Variants in SLC12A7 observed in about 807,000 individuals in gnomAD.
SLC12A7 encodes the protein solute carrier family 12 member 7.
In SLC12A7, 100 loss-of-function variants were observed where a neutral mutation model predicts 120.6. The ratio of observed to expected loss-of-function variants is 0.83; its 90% CI spans 0.71 to 0.98. The LOEUF (loss-of-function observed/expected upper bound fraction) is 0.98, where lower values mean the gene tolerates loss of function less well. Among genes scored for constraint, SLC12A7 ranks in the 50% least tolerant of loss-of-function variants. SLC12A7 has a pLI of 0.00. For missense variants in SLC12A7, 1,373 were observed against 1,548.1 expected, an observed-to-expected ratio of 0.89 and a Z score of 1.90; for synonymous variants, 760 against 678.0, an observed-to-expected ratio of 1.12 and a Z score of -1.88.
chr5:1,106,552 C>G (rs10044441), intron 1 of SLC12A7, among the ~76,000 whole-genome samples: 1 of 151,878 alleles, frequency 6.6e-6, no homozygotes, highest in Non-Finnish European at 1.5e-5. Flanking sequence ...GCCATCCATC[C>G]CTGGGGTGTC....
In SLC12A7 at chr5:1,098,780, A is replaced by AACCCTCTGCATG. The variant is rs1561102384; in HGVS notation, c.125-4533_125-4532insCATGCAGAGGGT. ...CCAGCCCCCCTCTAACCCTCTGCTC[A>AACCCTCTGCATG]CCCAGCCACCCTCTAACCCTCTGCT... On this transcript the variant is annotated intron_variant, in intron 1 of 23. Transcript: ENST00000264930. Among the ~76,000 whole-genome samples, 11 of 48,924 alleles carry AACCCTCTGCATG rather than the reference A, an allele frequency of 2.2e-4. 1 individual carries two copies. Among genetic ancestry groups the AACCCTCTGCATG allele is most frequent in the African/African-American group, 5.2e-4 (5 of 9,648 alleles). The allele number at this position is 48,924 out of a possible 152,430, so 32.1% of individuals were successfully genotyped here.
chr5:1,110,490 C>T (rs574963565), intron 1 of SLC12A7, among the ~76,000 whole-genome samples: 1 of 152,376 alleles, frequency 6.6e-6, no homozygotes, highest in East Asian at 1.9e-4. Flanking sequence ...GCACAAAATT[C>T]TCTCTGGCTT....
chr5:1,151,163 C>G, the SLC12A7 span, among the ~76,000 whole-genome samples: 9 of 152,266 alleles, frequency 5.9e-5, no homozygotes, highest in East Asian at 1.7e-3. This position sits in a 1 kb window ranked among gnomAD's most constrained non-coding sequence, Gnocchi z 6.2. Flanking sequence ...TCACAAAGCT[C>G]AGGCTTGCAA....
intron 7 of SLC12A7, among the ~76,000 whole-genome samples, chr5:1,084,953 C>T (rs1308364364): frequency 1.3e-5 from 2 of 152,206 alleles, no homozygotes; most frequent in Non-Finnish European, 2.9e-5. Flanking sequence ...CTCAGGGCCA[C>T]CGGCCACCCC....
Position 1,083,762 on chromosome 5 carries a change from G to T in SLC12A7, c.1112C>A (p.Ala371Asp). The T allele has an allele frequency of 6.2e-7, 1 of 1,612,506 alleles. No homozygotes were observed. The highest frequency in any genetic ancestry group is 8.5e-7 in the Non-Finnish European group (1 of 1,179,886). ...AGCCTCACCCAGGAAGACACCACTG[G>T]CCGCGCCCGGGATGCCCTGGATTTC... The part of the protein sequence containing the change: ...VTEIQGIPGA[A>D]SGVFLENLWS... The change falls in exon 8 of 24, where the codon GCC (alanine) becomes GAC (aspartate). Residue 371 changes from alanine (A) to aspartate (D), a missense_variant. Transcript: ENST00000264930.
chr5:1,053,971 G>A (rs142360574), intron 22 of SLC12A7, among the ~76,000 whole-genome samples: 1,984 of 152,336 alleles, frequency 0.013, 41 homozygotes, highest in African/African-American at 0.045. Context: ...CTCTCCGAGG[G>A]TCCTGATACA....
Position 1,089,003 on chromosome 5 carries a change from G to C in SLC12A7, c.468C>G (p.Ile156Met). ...TCACACATGTGCAGCACATGGCCACGATGAGGAAGGACTCCAGGACACCAG... is the reference window on the plus strand; with the variant it reads ...TCACACATGTGCAGCACATGGCCACCATGAGGAAGGACTCCAGGACACCAG... Reference protein sequence around the residue: ...GVAGVLESFLIVAMCCTCTML... With the variant: ...GVAGVLESFLMVAMCCTCTML... The change falls in exon 4 of 24, where the codon ATC (isoleucine) becomes ATG (methionine). Residue 156 changes from isoleucine (I) to methionine (M), a missense_variant. Physicochemically the swap from Ile to Met is conservative, Grantham distance 10. Coordinates refer to ENST00000264930, the MANE Select transcript of SLC12A7 (RefSeq NM_006598.3). 1 of 1,612,944 alleles carries C rather than the reference G, an allele frequency of 6.2e-7. No homozygotes were observed.
At chr5:1,105,529 C>T (rs1742454776) in intron 1 of SLC12A7, among the ~76,000 whole-genome samples, 1 of 152,272 alleles carries the variant, frequency 6.6e-6, no homozygotes, top group East Asian at 1.9e-4. Flanking sequence ...CGGCCACAAA[C>T]AGGGGAAGAG....
At position 1,081,662 on chromosome 5, in the gene SLC12A7, G is replaced by A. The variant is rs997164725; in HGVS notation, c.1212C>T (p.Ser404=). The A allele has an allele frequency of 2.5e-6, 4 of 1,613,026 alleles. No homozygotes were observed. The highest frequency in any genetic ancestry group is 1.3e-5 in the African/African-American group (1 of 74,956). ...GVPSVPVAEE[S]RASALPYVLT... ...GCACGTAGGGCAGTGCGCTGGCACG[G>A]CTCTCCTCTGCCACGGGCACCGAGG... The change falls in exon 9 of 24, where the codon AGC becomes AGT. Residue 404 remains serine (S), a synonymous_variant. Transcript: ENST00000264930.
the SLC12A7 span, among the ~76,000 whole-genome samples, chr5:1,152,166 C>A: frequency 6.6e-6 from 1 of 152,158 alleles, no homozygotes; most frequent in African/African-American, 2.4e-5. Flanking sequence ...CATCACCTCC[C>A]AGCTGGACCC....
intron 16 of SLC12A7, 55 bp from the exon 17 acceptor site, chr5:1,073,856 C>A: frequency 1.5e-6 from 2 of 1,335,600 alleles, no homozygotes; most frequent in South Asian, 2.5e-5. Flanking sequence ...GGGCACGGCC[C>A]ATCAACAGGC....
intron 12 of SLC12A7, 96 bp from the exon 13 acceptor site, chr5:1,076,908 GAC>G (rs1738412888): frequency 2.4e-6 from 2 of 847,702 alleles, no homozygotes; most frequent in Non-Finnish European, 2.0e-6. Flanking sequence ...GAATCTTAAA[GAC>G]ACAGACCAGC....
At chr5:1,129,343 A>T in the SLC12A7 span, among the ~76,000 whole-genome samples, 2 of 152,192 alleles carry the variant, frequency 1.3e-5, no homozygotes, top group East Asian at 3.9e-4. Context: ...TCCGAAGTCC[A>T]GTCTCACAGA....
At chr5:1,122,051 A>G in the SLC12A7 span, among the ~76,000 whole-genome samples, 1 of 152,128 alleles carries the variant, frequency 6.6e-6, no homozygotes, top group Non-Finnish European at 1.5e-5. Context: ...CCTGTCTCCC[A>G]GCCTCTCTGC....
chr5:1,065,163 G>A, intron 18 of SLC12A7, 120 bp downstream of exon 18: 9 of 790,232 alleles, frequency 1.1e-5, no homozygotes, highest in South Asian at 7.4e-5. Flanking sequence ...GGGACGAAAA[G>A]GGGACAGTGA....
At chr5:1,141,292 C>T in the SLC12A7 span, among the ~76,000 whole-genome samples, 41 of 152,228 alleles carry the variant, frequency 2.7e-4, no homozygotes, top group African/African-American at 9.6e-4. Flanking sequence ...TGTGAGCTGT[C>T]ACTTGATGAC....
At chr5:1,082,026 GT>G (rs1739187145) in intron 8 of SLC12A7, among the ~76,000 whole-genome samples, 1 of 108,020 alleles carries the variant, frequency 9.3e-6, no homozygotes, top group South Asian at 2.6e-4. Context: ...GTTCTGGAAA[GT>G]CCAGGCTTCC....
At chr5:1,073,231 C>G (rs866594069) in intron 17 of SLC12A7, among the ~76,000 whole-genome samples, 7 of 53,912 alleles carry the variant, frequency 1.3e-4, no homozygotes, top group African/African-American at 5.8e-4. Flanking sequence ...CCAGTGAGCC[C>G]CCAGCACACG....
rs1442271511 is a variant in SLC12A7 at position 1,057,779 on chromosome 5, C to T, written c.2848-130G>A. 28 of 844,500 alleles carry T rather than the reference C, an allele frequency of 3.3e-5. No individual in the cohort carries two copies. In the East Asian group the frequency reaches 6.7e-4, roughly 20 times the overall value. The allele number at this position is 844,500 out of a possible 1,614,324, so 52.3% of individuals were successfully genotyped here. A position where few individuals can be genotyped will look rare whatever the true frequency, so the allele number is the denominator to read the frequency against. On this transcript the variant is annotated intron_variant, in intron 21 of 23. Coordinates refer to ENST00000264930, the MANE Select transcript of SLC12A7 (RefSeq NM_006598.3). ...AGGGCCCTGTGTGCCTGACCCGGGACCCAGCCTGGCGTCCCACACTGGTCC... is the reference window on the plus strand; with the variant it reads ...AGGGCCCTGTGTGCCTGACCCGGGATCCAGCCTGGCGTCCCACACTGGTCC...
Sources: gnomAD v4.1 joint callset for allele counts (sites outside exome capture counted in the v4.1 genomes callset) on GRCh38, gnomAD v4.1.1 for gene constraint, Gnocchi (gnomAD v3.1) non-coding constraint, MANE v1.5 for transcripts, NCBI Gene and HGNC (gene_info 2026-07-23, HGNC 2026-07-21) for gene names.